INSL6: variants seen among roughly 807,000 people sequenced by gnomAD.
INSL6 encodes the protein insulin-like peptide INSL6.
In INSL6, 16 loss-of-function variants were observed where a neutral mutation model predicts 9.4. That is an observed-to-expected ratio of 1.70 (90% CI 1.15 to 2.59). The LOEUF (loss-of-function observed/expected upper bound fraction) is 2.59. Ranked by LOEUF, INSL6 falls within the 30% of genes most tolerant of loss-of-function variation. The pLI, the probability that INSL6 is intolerant of heterozygous loss-of-function variation, is 0.00. For missense variants in INSL6, 391 were observed against 257.3 expected, an observed-to-expected ratio of 1.52 and a Z score of -3.56; for synonymous variants, 154 against 96.9, an observed-to-expected ratio of 1.59 and a Z score of -3.46.
the INSL6 span, among the ~76,000 whole-genome samples, chr9:5,006,668 T>G: frequency 6.6e-6 from 1 of 151,968 alleles, no homozygotes; most frequent in Non-Finnish European, 1.5e-5. Context: ...CTGCAAAAAT[T>G]TAAATAACCA....
chr9:5,010,192 G>A, the INSL6 span, among the ~76,000 whole-genome samples: 93,749 of 152,082 alleles, frequency 0.62, 31,061 homozygotes, highest in African/African-American at 0.88. Flanking sequence ...CTTATTTGTC[G>A]GAGCCGCCAT....
At chr9:5,069,631 A>T in the INSL6 span, among the ~76,000 whole-genome samples, 1 of 152,132 alleles carries the variant, frequency 6.6e-6, no homozygotes, top group Admixed American at 6.5e-5. Context: ...AAATTGTATG[A>T]GTTAAGGAAG....
chr9:5,084,676 TTC>T, the INSL6 span, among the ~76,000 whole-genome samples: 5 of 152,198 alleles, frequency 3.3e-5, no homozygotes, highest in Admixed American at 1.3e-4. Flanking sequence ...TATACTTATA[TTC>T]TTTTTTAAAT....
the INSL6 span, among the ~76,000 whole-genome samples, chr9:5,076,847 A>T: frequency 6.6e-6 from 1 of 152,106 alleles, no homozygotes; most frequent in Non-Finnish European, 1.5e-5. Context: ...TGTTATATGG[A>T]GGTATCTGAG....
chr9:5,163,782 G>T, downstream of INSL6: 1 of 645,802 alleles, frequency 1.5e-6, no homozygotes, highest in Non-Finnish European at 2.7e-6. Context: ...CCACTATAAG[G>T]TATGGTCAAG....
chr9:5,007,898 TTG>T, the INSL6 span, among the ~76,000 whole-genome samples: 13 of 152,036 alleles, frequency 8.6e-5, no homozygotes, highest in South Asian at 2.7e-3. Flanking sequence ...TGGCTAATTT[TTG>T]TGTTTTCACT....
chr9:5,064,960 T>A, the INSL6 span: 1 of 1,606,578 alleles, frequency 6.2e-7, no homozygotes, highest in Non-Finnish European at 8.5e-7. Flanking sequence ...TAACTGCAGA[T>A]GCACATCATT....
chr9:5,116,064 T>TA, the INSL6 span, among the ~76,000 whole-genome samples: 80 of 150,228 alleles, frequency 5.3e-4, 1 homozygote, highest in Non-Finnish European at 6.7e-4. Context: ...TAATAAAATT[T>TA]AAAAAAAAAA....
the INSL6 span, among the ~76,000 whole-genome samples, chr9:5,081,117 G>A: frequency 2.0e-5 from 3 of 151,710 alleles, no homozygotes; most frequent in South Asian, 2.1e-4. Context: ...GGATGGTCTC[G>A]ATCTCCTGAT....
chr9:5,163,783 T>A (rs1455990519), downstream of INSL6: 4 of 646,946 alleles, frequency 6.2e-6, no homozygotes, highest in Non-Finnish European at 1.1e-5. Context: ...CACTATAAGG[T>A]ATGGTCAAGT....
the INSL6 span, among the ~76,000 whole-genome samples, chr9:5,031,556 G>A: frequency 6.6e-6 from 1 of 152,084 alleles, no homozygotes; most frequent in African/African-American, 2.4e-5. Flanking sequence ...ATGTATATCA[G>A]ATAAATTATA....
chr9:5,158,386 A>C (rs1415223426), intron 2 of INSL6, among the ~76,000 whole-genome samples: 1 of 152,224 alleles, frequency 6.6e-6, no homozygotes, highest in Non-Finnish European at 1.5e-5. Context: ...GAGAACACCC[A>C]AGTGAATTTA....
intron 1 of INSL6, among the ~76,000 whole-genome samples, chr9:5,180,902 G>A (rs892768514): frequency 1.3e-5 from 2 of 152,130 alleles, no homozygotes; most frequent in Non-Finnish European, 2.9e-5. Flanking sequence ...TTTGAAGCAT[G>A]TGATCTACTC....
the INSL6 span, among the ~76,000 whole-genome samples, chr9:4,996,656 T>C: frequency 6.7e-6 from 1 of 148,322 alleles, no homozygotes; most frequent in Non-Finnish European, 1.5e-5. Context: ...GAATCCACCA[T>C]TTAGGACCCT....
intron 2 of INSL6, among the ~76,000 whole-genome samples, chr9:5,144,361 G>A (rs1009667327): frequency 2.0e-5 from 3 of 152,146 alleles, no homozygotes; most frequent in Admixed American, 1.3e-4. Context: ...ACTGTGGTAC[G>A]AGAGACCGTT....
At chr9:5,127,762 G>T (rs889098183) in intron 3 of INSL6, 39 of 232,436 alleles carry the variant, frequency 1.7e-4, no homozygotes, top group African/African-American at 2.2e-5. Context: ...TTTAAAAATG[G>T]ATAGCTCATT....
chr9:5,182,475 A>G (rs1199915539), intron 1 of INSL6, among the ~76,000 whole-genome samples: 1 of 152,092 alleles, frequency 6.6e-6, no homozygotes, highest in Admixed American at 6.6e-5. Flanking sequence ...TTAATTGTCT[A>G]TCTTTACTAT....
At chr9:5,010,095 A>G in the INSL6 span, among the ~76,000 whole-genome samples, 11 of 152,142 alleles carry the variant, frequency 7.2e-5, no homozygotes, top group East Asian at 1.9e-4. Flanking sequence ...AATAGAGTCT[A>G]TTTCCTCTAC....
chr9:5,055,098 C>T, the INSL6 span, among the ~76,000 whole-genome samples: 1 of 151,660 alleles, frequency 6.6e-6, no homozygotes, highest in Admixed American at 6.6e-5. Context: ...AAAATAATTA[C>T]CAATGACTAT....
Sources: gnomAD v4.1 joint callset for allele counts (sites outside exome capture counted in the v4.1 genomes callset) on GRCh38, gnomAD v4.1.1 for gene constraint, MANE v1.5 for transcripts, NCBI Gene and HGNC (gene_info 2026-07-23, HGNC 2026-07-21) for gene names.